DHX8: variants seen among roughly 807,000 people sequenced by gnomAD.
DHX8 encodes the protein ATP-dependent RNA helicase DHX8.
In DHX8, 67 loss-of-function variants were observed where a neutral mutation model predicts 140.7. That is an observed-to-expected ratio of 0.48 (90% CI 0.39 to 0.58). The LOEUF (loss-of-function observed/expected upper bound fraction) is 0.58, where lower values mean the gene tolerates loss of function less well. Among genes scored for constraint, DHX8 ranks in the 20% least tolerant of loss-of-function variants. The pLI, the probability that DHX8 is intolerant of heterozygous loss-of-function variation, is 0.00. For synonymous variants in DHX8, 533 were observed against 553.2 expected, an observed-to-expected ratio of 0.96 and a Z score of 0.51; for missense variants, 887 against 1,550.7, an observed-to-expected ratio of 0.57 and a Z score of 7.19.
intron 3 of DHX8, among the ~76,000 whole-genome samples, chr17:43,543,518 C>T (rs1335505519): frequency 6.6e-6 from 1 of 152,154 alleles, no homozygotes; most frequent in East Asian, 1.9e-4. Context: ...TGGGGACTCT[C>T]AGCTGACAGG....
Position 43,493,725 on chromosome 17 carries a change from CG to C in DHX8, c.1053del (p.Arg352GlufsTer30). The part of the protein sequence containing the change: ...ETGEDLNPNR[R>X]RNLVGETNEE... ...TGGAGAAGATCTAAACCCAAATAGA[CG>C]GCGAAATCTTGTCGGGGAGACCAAT... On this transcript the variant is annotated frameshift_variant, in exon 8 of 23. Transcript: ENST00000262415. LOFTEE classifies it high-confidence loss of function. 6.2e-7 allele frequency: 1 copy of C among 1,614,218 alleles called. No individual in the cohort carries two copies.
intron 3 of DHX8, among the ~76,000 whole-genome samples, chr17:43,537,198 T>C (rs116883170): frequency 0.011 from 1,676 of 150,148 alleles, 16 homozygotes; most frequent in Non-Finnish European, 0.019. Context: ...AAACCCCATC[T>C]TTACTAAAAG....
intron 17 of DHX8, among the ~76,000 whole-genome samples, chr17:43,515,643 G>A (rs1970071723): frequency 6.6e-6 from 1 of 152,216 alleles, no homozygotes; most frequent in African/African-American, 2.4e-5. Context: ...CACAGAGCTA[G>A]TGGAGCCAAG....
At chr17:43,511,056 G>T (rs997067298) in intron 16 of DHX8, among the ~76,000 whole-genome samples, 2 of 152,112 alleles carry the variant, frequency 1.3e-5, no homozygotes, top group East Asian at 1.9e-4. Context: ...GGAGCTGAGC[G>T]CAGTGGCTCA....
chr17:43,536,662 A>G (rs1971259091), intron 3 of DHX8, among the ~76,000 whole-genome samples: 1 of 152,282 alleles, frequency 6.6e-6, no homozygotes, highest in South Asian at 2.1e-4. Context: ...CACTAACACT[A>G]ACGATAGCTG....
chr17:43,513,709 CT>C (rs34829204), intron 17 of DHX8, among the ~76,000 whole-genome samples: 549 of 105,926 alleles, frequency 5.2e-3, no homozygotes, highest in East Asian at 0.014. Context: ...AGTTTTTAAT[CT>C]TTTTTTTTTT....
chr17:43,543,179 G>A (rs1294688340), intron 3 of DHX8, among the ~76,000 whole-genome samples: 2 of 150,916 alleles, frequency 1.3e-5, no homozygotes, highest in Non-Finnish European at 1.5e-5. Flanking sequence ...AGATCCCAGC[G>A]CCCACCCCCC....
chr17:43,541,478 C>A (rs373826936), intron 3 of DHX8, among the ~76,000 whole-genome samples: 41 of 151,842 alleles, frequency 2.7e-4, no homozygotes, highest in Middle Eastern at 3.4e-3. Flanking sequence ...AGTGCCAAGA[C>A]AGCATAATGC....
chr17:43,530,055 C>T, downstream of DHX8: 3 of 1,609,966 alleles, frequency 1.9e-6, no homozygotes, highest in African/African-American at 1.3e-5. Flanking sequence ...CCCATGGCAG[C>T]GCTCCCTCCC....
chr17:43,533,806 C>G, intron 2 of DHX8: 2 of 1,592,842 alleles, frequency 1.3e-6, no homozygotes, highest in Non-Finnish European at 1.7e-6. Context: ...CCCCCTGCCT[C>G]CCTCCTCTGG....
In DHX8 at chr17:43,520,861, C is replaced by T. The variant is rs776674997; in HGVS notation, c.3048C>T (p.Asn1016=). 7 of 1,612,236 alleles carry T rather than the reference C, an allele frequency of 4.3e-6. No individual in the cohort carries two copies. Among genetic ancestry groups the T allele is most frequent in the African/African-American group, 2.7e-5 (2 of 74,734 alleles). ...LTIVSMLSVQ[N]VFYRPKDKQA... is the part of the protein sequence containing the mutation. ...TTGTATCCATGCTGTCTGTGCAGAA[C>T]GTCTTCTATAGGCCCAAGGTAGGAA... is the stretch of plus-strand genomic sequence containing the variant. The change falls in exon 20 of 23, where the codon AAC becomes AAT. Residue 1016 remains asparagine, a synonymous_variant. Coordinates refer to ENST00000262415, the MANE Select transcript of DHX8 (RefSeq NM_004941.3).
intron 2 of DHX8, chr17:43,536,294 C>T (rs145578703): frequency 1.8e-3 from 1,462 of 790,962 alleles, no homozygotes; most frequent in Non-Finnish European, 2.6e-3. Flanking sequence ...CCAGTTATTG[C>T]CTTGGTCTTT....
At chr17:43,543,274 A>ACTCT (rs1250640458) in intron 3 of DHX8, among the ~76,000 whole-genome samples, 23 of 41,518 alleles carry the variant, frequency 5.5e-4, no homozygotes, top group African/African-American at 2.7e-3. Flanking sequence ...TAACACACAC[A>ACTCT]CACTCTCTCT....
chr17:43,528,643 A>T, downstream of DHX8: 1 of 1,614,210 alleles, frequency 6.2e-7, no homozygotes, highest in Non-Finnish European at 8.5e-7. Flanking sequence ...AGGCCGGTCA[A>T]ACTCAGCCTT....
chr17:43,505,978 TTAA>T (rs762532155), intron 12 of DHX8, among the ~76,000 whole-genome samples: 5 of 152,016 alleles, frequency 3.3e-5, no homozygotes, highest in Admixed American at 6.6e-5. Flanking sequence ...CTTTTTCCAC[TTAA>T]TGATATATCT....
chr17:43,521,780 T>C (rs1026579813), intron 21 of DHX8, among the ~76,000 whole-genome samples: 1 of 152,200 alleles, frequency 6.6e-6, no homozygotes, highest in Non-Finnish European at 1.5e-5. Flanking sequence ...GAAGATTATC[T>C]GTTAGTTGTT....
chr17:43,498,778 G>T, intron 9 of DHX8, 84 bp from the exon 10 acceptor site: 1 of 1,107,162 alleles, frequency 9.0e-7, no homozygotes, highest in Non-Finnish European at 1.3e-6. Context: ...AAAGATTGTT[G>T]GTACCTATGG....
At chr17:43,498,486 G>A (rs1242479028) in intron 9 of DHX8, among the ~76,000 whole-genome samples, 2 of 149,482 alleles carry the variant, frequency 1.3e-5, no homozygotes, top group Non-Finnish European at 3.0e-5. Context: ...GTCTCACTCT[G>A]TCACCCAGGC....
Position 43,521,538 on chromosome 17 carries a change from G to A in DHX8, c.3236G>A (p.Arg1079His), listed in dbSNP as rs781628163. Residue 1079 changes from arginine (R) to histidine (H), a missense_variant, in exon 21 of 23, where the codon CGC (arginine) becomes CAC (histidine). By Grantham distance (29) the Arg-to-His change is conservative. Transcript: ENST00000262415. ...TCCCTGCGCCGGGCCCAGGACATTC[G>A]CAAGCAGATGTTAGGCATAATGGAC... is the stretch of plus-strand genomic sequence containing the variant. Reference protein sequence around the residue: ...ARSLRRAQDIRKQMLGIMDRH... With the variant: ...ARSLRRAQDIHKQMLGIMDRH... 2.5e-6 allele frequency: 4 copies of A among 1,612,778 alleles called. No homozygotes were observed. Among genetic ancestry groups the A allele is most frequent in the Admixed American group, 1.7e-5 (1 of 59,946 alleles).
Sources: gnomAD v4.1 joint callset for allele counts (sites outside exome capture counted in the v4.1 genomes callset) on GRCh38, gnomAD v4.1.1 for gene constraint, MANE v1.5 for transcripts, NCBI Gene and HGNC (gene_info 2026-07-23, HGNC 2026-07-21) for gene names.